The following KYNU variants were observed in gnomAD, a reference collection of about 807,000 sequenced individuals.
The protein encoded by KYNU is kynureninase.
Under a neutral mutation model 59.2 loss-of-function variants are expected in KYNU, and 54 were observed. That is an observed-to-expected ratio of 0.91 (90% CI 0.73 to 1.14). KYNU has a LOEUF of 1.14. KYNU is among the 50% of genes most tolerant of loss of function. KYNU has a pLI of 0.00. For missense variants in KYNU, 567 were observed against 554.4 expected, an observed-to-expected ratio of 1.02 and a Z score of -0.23; for synonymous variants, 177 against 192.0, an observed-to-expected ratio of 0.92 and a Z score of 0.65.
At position 143,045,536 on chromosome 2, in the gene KYNU, G is replaced by A. The variant is rs1216553482; in HGVS notation, c.*3364G>A. The A allele has an allele frequency of 6.6e-6, 1 of 152,136 alleles. No homozygotes were observed. Among genetic ancestry groups the A allele is most frequent in the Non-Finnish European group, 1.5e-5 (1 of 68,034 alleles). The allele number at this position is 152,136 out of a possible 1,614,324, so 9.4% of individuals were successfully genotyped here. A position where few individuals can be genotyped will look rare whatever the true frequency, so the allele number is the denominator to read the frequency against. ...GCAGTGGTTTGTAGTTCTCATTGAA[G>A]TAGTCCTTCACATCCCTTGTAAGTT... On this transcript the variant is annotated 3_prime_UTR_variant, in exon 14 of 14. Coordinates refer to ENST00000264170, the MANE Select transcript of KYNU (RefSeq NM_003937.3).
chr2:142,940,064 G>A (rs1459095372), intron 4 of KYNU, among the ~76,000 whole-genome samples: 2 of 152,198 alleles, frequency 1.3e-5, no homozygotes, highest in African/African-American at 4.8e-5. Flanking sequence ...ATATTCTGAT[G>A]GAGAGAATTC....
At chr2:142,887,726 C>T (rs1198044108) in intron 2 of KYNU, among the ~76,000 whole-genome samples, 1 of 152,058 alleles carries the variant, frequency 6.6e-6, no homozygotes, top group Non-Finnish European at 1.5e-5. Context: ...TTCATAAAAA[C>T]CAAGTAGAAT....
chr2:143,052,572 AAG>A lies in KYNU; in HGVS notation c.*10401_*10402del, dbSNP rs951262415. 20 of 152,246 alleles carry A rather than the reference AAG, an allele frequency of 1.3e-4. No homozygotes were observed. The highest frequency in any genetic ancestry group is 4.8e-4 in the African/African-American group (20 of 41,436). 9.4% of individuals were successfully genotyped at this position (152,246 alleles called of 1,614,324 possible). ...TCCCAGCAGCTCCATCCATGACTAA[AAG>A]GGGCCAAGGTACAGCTTGGGCTGTG... is the stretch of plus-strand genomic sequence containing the variant. On this transcript the variant is annotated 3_prime_UTR_variant, in exon 14 of 14. Coordinates refer to ENST00000264170, the MANE Select transcript of KYNU (RefSeq NM_003937.3).
intron 2 of KYNU, among the ~76,000 whole-genome samples, chr2:142,910,620 T>C (rs1241058806): frequency 1.3e-5 from 2 of 152,168 alleles, no homozygotes; most frequent in Admixed American, 6.5e-5. Flanking sequence ...GCAATTGTTA[T>C]TGAGGACTCA....
chr2:143,006,214 C>T (rs1420275824), intron 10 of KYNU, among the ~76,000 whole-genome samples: 5 of 152,024 alleles, frequency 3.3e-5, no homozygotes, highest in African/African-American at 7.2e-5. Flanking sequence ...GTGCGCGAGC[C>T]GAAACAGGGC....
In KYNU at chr2:143,049,971, G is replaced by GT. The variant is rs933502603; in HGVS notation, c.*7806dup. On this transcript the variant is annotated 3_prime_UTR_variant, in exon 14 of 14. Transcript: ENST00000264170. The stretch of plus-strand genomic sequence containing the variant: ...AGAACACTTTAAATTCTTGTTTTCG[G>GT]TTTTTTTCCAATCACATAAGTAGGA... The GT allele has an allele frequency of 6.7e-6, 1 of 149,102 alleles. No homozygotes were observed. The highest frequency in any genetic ancestry group is 1.5e-5 in the Non-Finnish European group (1 of 67,466). The allele number at this position is 149,102 out of a possible 1,614,324, so 9.2% of individuals were successfully genotyped here. A position where few individuals can be genotyped will look rare whatever the true frequency, so the allele number is the denominator to read the frequency against.
At chr2:142,945,659 T>C (rs1573821996) in intron 4 of KYNU, among the ~76,000 whole-genome samples, 1 of 152,220 alleles carries the variant, frequency 6.6e-6, no homozygotes, top group East Asian at 1.9e-4. Context: ...CCAGAAGGTT[T>C]TCAACTGACT....
At chr2:142,890,644 A>AT (rs1461402330) in intron 2 of KYNU, among the ~76,000 whole-genome samples, 1 of 151,864 alleles carries the variant, frequency 6.6e-6, no homozygotes, top group Non-Finnish European at 1.5e-5. Context: ...TGCCCAGCTA[A>AT]TTTTTGTATT....
At chr2:143,028,315 G>A (rs1349156539) in intron 10 of KYNU, among the ~76,000 whole-genome samples, 15 of 131,712 alleles carry the variant, frequency 1.1e-4, no homozygotes, top group Middle Eastern at 5.5e-3. Flanking sequence ...GCTCCATCTC[G>A]GCTCACTGCA....
In KYNU at chr2:143,043,213, G is replaced by A. The variant is rs1239932812; in HGVS notation, c.*1041G>A. On this transcript the variant is annotated 3_prime_UTR_variant, in exon 14 of 14. Transcript: ENST00000264170. ...AAATAAATAACCCCAAGATCTTTTT[G>A]GGGATTAGAGATATAAGAAATATGT... 6.6e-6 allele frequency: 1 copy of A among 151,724 alleles called. No homozygotes were observed. Among genetic ancestry groups the A allele is most frequent in the Non-Finnish European group, 1.5e-5 (1 of 67,880 alleles). 9.4% of individuals were successfully genotyped at this position (151,724 alleles called of 1,614,324 possible). A position where few individuals can be genotyped will look rare whatever the true frequency, so the allele number is the denominator to read the frequency against.
intron 4 of KYNU, among the ~76,000 whole-genome samples, chr2:142,932,444 A>G (rs977746667): frequency 2.0e-5 from 3 of 152,082 alleles, no homozygotes; most frequent in Admixed American, 1.3e-4. Flanking sequence ...GCGCATTTCC[A>G]GCCGATATGT....
intron 1 of KYNU, chr2:142,879,404 C>T (rs909002671): frequency 1.3e-5 from 2 of 152,156 alleles, no homozygotes; most frequent in Non-Finnish European, 2.9e-5. Context: ...TGAAACTGGA[C>T]TGGGAAGGAT....
At chr2:142,989,653 G>C (rs1390812221) in intron 10 of KYNU, 6 of 294,974 alleles carry the variant, frequency 2.0e-5, no homozygotes, top group African/African-American at 9.1e-5. Flanking sequence ...TGCAATAATT[G>C]TGCAGTTTAA....
In KYNU at chr2:142,991,074, GA is replaced by G. The variant is rs1200142417; in HGVS notation, c.902+5054del. The stretch of plus-strand genomic sequence containing the variant: ...AAACATCCAGAAATTTCAGCAAAAA[GA>G]CTTAAAAAATTATAACTTTATACCA... On this transcript the variant is annotated intron_variant, in intron 10 of 13. Coordinates refer to ENST00000264170, the MANE Select transcript of KYNU (RefSeq NM_003937.3). 3.3e-5 allele frequency among the ~76,000 whole-genome samples: 5 copies of G among 151,874 alleles called. No individual in the cohort carries two copies. In the East Asian group the frequency reaches 9.7e-4, roughly 29 times the overall value.
At chr2:142,936,101 A>C (rs781398850) in intron 4 of KYNU, among the ~76,000 whole-genome samples, 15 of 152,062 alleles carry the variant, frequency 9.9e-5, no homozygotes, top group Admixed American at 8.5e-4. Flanking sequence ...GAGGAAAAAG[A>C]GGTAGGGTTG....
intron 6 of KYNU, among the ~76,000 whole-genome samples, chr2:142,956,990 A>G (rs996065179): frequency 3.9e-5 from 6 of 152,042 alleles, no homozygotes; most frequent in Admixed American, 3.9e-4. Context: ...AAAGTAAATA[A>G]TAAATAAATA....
intron 8 of KYNU, among the ~76,000 whole-genome samples, chr2:142,980,381 T>A (rs566370889): frequency 6.6e-6 from 1 of 152,252 alleles, no homozygotes; most frequent in South Asian, 2.1e-4. Flanking sequence ...TATCTTGTGC[T>A]GACCTCCTAT....
chr2:143,010,671 C>A (rs1225317088), intron 10 of KYNU, among the ~76,000 whole-genome samples: 1 of 147,582 alleles, frequency 6.8e-6, no homozygotes, highest in Admixed American at 6.7e-5. Flanking sequence ...ATACTACAAG[C>A]CTACAGTAAC....
chr2:142,978,260 C>T (rs1327626939), intron 8 of KYNU, among the ~76,000 whole-genome samples: 2 of 151,400 alleles, frequency 1.3e-5, no homozygotes, highest in Non-Finnish European at 2.9e-5. Context: ...CTCCCTATAC[C>T]GTTTTCTTTT....
Sources: gnomAD v4.1 joint callset for allele counts (sites outside exome capture counted in the v4.1 genomes callset) on GRCh38, gnomAD v4.1.1 for gene constraint, MANE v1.5 for transcripts, NCBI Gene and HGNC (gene_info 2026-07-23, HGNC 2026-07-21) for gene names.